The following IGLON5 variants were observed in gnomAD, a reference collection of about 807,000 sequenced individuals.
IGLON5 encodes the protein Ig-like domain-containing protein ENSP00000270642.
Under a neutral mutation model 38.2 loss-of-function variants are expected in IGLON5, and 16 were observed. The observed-to-expected ratio is 0.42, with a 90% confidence interval of 0.28 to 0.64. The LOEUF is 0.64. Ranked by LOEUF, IGLON5 falls within the 30% of genes least tolerant of loss-of-function variation. The pLI, the probability that IGLON5 is intolerant of heterozygous loss-of-function variation, is 0.23. For synonymous variants in IGLON5, 207 were observed against 216.4 expected (o/e 0.96, Z 0.38); for missense variants, 366 against 483.4 (o/e 0.76, Z 2.28).
chr19:51,320,639 G>C (rs1985032031), intron 1 of IGLON5, among the ~76,000 whole-genome samples: 1 of 152,196 alleles, frequency 6.6e-6, no homozygotes, highest in South Asian at 2.1e-4. Context: ...TGAGCACACA[G>C]TGTGCCTGTG....
intron 2 of IGLON5, 40 bp from the exon 3 acceptor site, chr19:51,323,622 G>GA: frequency 6.5e-7 from 1 of 1,549,648 alleles, no homozygotes; most frequent in Non-Finnish European, 8.8e-7. Context: ...CCTCAGGCTG[G>GA]GTGGGTGGAG....
Position 51,321,981 on chromosome 19 carries a change from G to C in IGLON5, c.80-83G>C, listed in dbSNP as rs369491717. 1.2e-3 allele frequency: 1,274 copies of C among 1,106,330 alleles called. 22 individuals are homozygous for C. In the South Asian group the frequency reaches 0.015, roughly 13 times the overall value. The allele number at this position is 1,106,330 out of a possible 1,614,324, so 68.5% of individuals were successfully genotyped here. A position where few individuals can be genotyped will look rare whatever the true frequency, so the allele number is the denominator to read the frequency against. The stretch of plus-strand genomic sequence containing the variant: ...AGGAGACGTCTGTGTCCACAAGGAC[G>C]TGCGTGTGCACATGTGTGCAGGTGC... On this transcript the variant is annotated intron_variant, in intron 1 of 7. Transcript: ENST00000270642.
At chr19:51,313,126 A>T (rs10404230) in intron 1 of IGLON5, among the ~76,000 whole-genome samples, 2,993 of 152,294 alleles carry the variant, frequency 0.02, 91 homozygotes, top group African/African-American at 0.068. Context: ...CAGCACCTGC[A>T]GACACCAGTC....
chr19:51,328,483 G>A (rs1985269401), intron 7 of IGLON5, among the ~76,000 whole-genome samples, 188 bp from the exon 8 acceptor site: 1 of 147,856 alleles, frequency 6.8e-6, no homozygotes, highest in Admixed American at 6.7e-5. Context: ...GGGTGACAGA[G>A]CGAGACTCCG....
At position 51,327,874 on chromosome 19, in the gene IGLON5, A is replaced by G. The variant is rs747147617; in HGVS notation, c.910A>G (p.Met304Val). 19 of 1,392,910 alleles carry G rather than the reference A, an allele frequency of 1.4e-5. No individual in the cohort carries two copies. Among genetic ancestry groups the G allele is most frequent in the African/African-American group, 3.0e-5 (2 of 65,902 alleles). The allele number at this position is 1,392,910 out of a possible 1,614,324, so 86.3% of individuals were successfully genotyped here. ...ANRLGASSAS[M>V]RLLRPGSLEN... ...CCGACTGGGAGCGTCCAGCGCCTCC[A>G]TGCGGCTCCTGCGTGCGTCTTCGGG... Residue 304 changes from methionine (M) to valine (V), a missense_variant, in exon 7 of 8, where the codon ATG becomes GTG. Transcript: ENST00000270642. The surrounding 1 kb of genome is among the most constrained non-coding windows in gnomAD (Gnocchi z 7.1).
At chr19:51,313,974 C>CA (rs1288629002) in intron 1 of IGLON5, among the ~76,000 whole-genome samples, 2 of 151,986 alleles carry the variant, frequency 1.3e-5, no homozygotes, top group African/African-American at 2.4e-5. Context: ...GTGATCCTCC[C>CA]ACCTGGGCCT....
rs778688332 is a variant in IGLON5, at chr19:51,327,224, G to T, written c.767+24G>T. 2.5e-6 allele frequency: 4 copies of T among 1,597,496 alleles called. No individual in the cohort carries two copies. Among genetic ancestry groups the T allele is most frequent in the Non-Finnish European group, 3.4e-6 (4 of 1,170,390 alleles). On this transcript the variant is annotated intron_variant, in intron 6 of 7. Transcript: ENST00000270642. This position sits in a 1 kb window ranked among gnomAD's most constrained non-coding sequence, Gnocchi z 7.1. ...CTGTGAGGACAGCACTGAGGGGGCCGTGGGAGCGGGAAGGGGAGGTCTTTA... is the reference window on the plus strand; with the variant it reads ...CTGTGAGGACAGCACTGAGGGGGCCTTGGGAGCGGGAAGGGGAGGTCTTTA...
At chr19:51,323,947 G>T (rs1275446434) in intron 3 of IGLON5, 53 bp downstream of exon 3, 4 of 1,253,904 alleles carry the variant, frequency 3.2e-6, no homozygotes, top group Non-Finnish European at 4.5e-6. Flanking sequence ...GCGTGGGGGA[G>T]ACTAGGCATG....
chr19:51,327,041 C>T lies in IGLON5; in HGVS notation c.647-39C>T, dbSNP rs769000562. On this transcript the variant is annotated intron_variant, in intron 5 of 7. Transcript: ENST00000270642. This position sits in a 1 kb window ranked among gnomAD's most constrained non-coding sequence, Gnocchi z 7.1. ...TGGGGGCGGGACCCCTTCGTCCCCA[C>T]GCGGCTAGGAGAATTCGCTGACCCT... 1.3e-5 allele frequency: 20 copies of T among 1,599,740 alleles called. No homozygotes were observed. Among genetic ancestry groups the T allele is most frequent in the East Asian group, 2.2e-5 (1 of 44,568 alleles).
intron 1 of IGLON5, among the ~76,000 whole-genome samples, chr19:51,312,310 TG>T (rs1419429997): frequency 4.4e-5 from 5 of 112,500 alleles, no homozygotes; most frequent in Admixed American, 9.6e-5. Context: ...TGAGTTGGGG[TG>T]GGGGGCAGGG....
Position 51,324,305 on chromosome 19 carries a change from G to T in IGLON5, c.391+411G>T, listed in dbSNP as rs1005939992. Among the ~76,000 whole-genome samples the T allele has an allele frequency of 6.6e-6, 1 of 152,208 alleles. No individual in the cohort carries two copies. The highest frequency in any genetic ancestry group is 1.5e-5 in the Non-Finnish European group (1 of 68,034). ...GCTGACGCCTTTGGCTGGGCACAGG[G>T]CTAAGACCGGAAAAGAAACAGTGTG... On this transcript the variant is annotated intron_variant, in intron 3 of 7. Transcript: ENST00000270642. The surrounding 1 kb of genome is among the most constrained non-coding windows in gnomAD (Gnocchi z 4.2).
chr19:51,320,051 G>A (rs971544508), intron 1 of IGLON5, among the ~76,000 whole-genome samples: 25 of 147,320 alleles, frequency 1.7e-4, no homozygotes, highest in African/African-American at 5.1e-4. Context: ...GTGTGTGCAC[G>A]CGCGTGCACG....
chr19:51,315,940 C>G lies in IGLON5; in HGVS notation c.79+4014C>G, dbSNP rs980498895. ...CGATCTCCTGACCTCATGATCCGCC[C>G]GTCTTGGCCTCCCAAAGTGCTGGGA... On this transcript the variant is annotated intron_variant, in intron 1 of 7. Transcript: ENST00000270642. Among the ~76,000 whole-genome samples, 43 of 151,978 alleles carry G rather than the reference C, an allele frequency of 2.8e-4. 2 individuals are homozygous for G. The highest frequency in any genetic ancestry group is 5.9e-4 in the Admixed American group (9 of 15,278).
In IGLON5 at chr19:51,326,751, C is replaced by T. The variant is rs1406207210; in HGVS notation, c.512-13C>T. 1.3e-6 allele frequency: 2 copies of T among 1,543,330 alleles called. No individual in the cohort carries two copies. Among genetic ancestry groups the T allele is most frequent in the African/African-American group, 1.4e-5 (1 of 72,612 alleles). On this transcript the variant is annotated splice_polypyrimidine_tract_variant and intron_variant, in intron 4 of 7. Transcript: ENST00000270642. ...TGTCCGGCCCCGCCCCCTCCTCCTC[C>T]TTCCCCCCACAGACGGCTTCACCTC... is the stretch of plus-strand genomic sequence containing the variant.
Position 51,327,906 on chromosome 19 carries a change from G to A in IGLON5, c.922+20G>A, listed in dbSNP as rs1568460012. 3 of 1,484,464 alleles carry A rather than the reference G, an allele frequency of 2.0e-6. No homozygotes were observed. The highest frequency in any genetic ancestry group is 2.3e-5 in the Admixed American group (1 of 44,118). The allele number at this position is 1,484,464 out of a possible 1,614,324, so 92.0% of individuals were successfully genotyped here. A position where few individuals can be genotyped will look rare whatever the true frequency, so the allele number is the denominator to read the frequency against. On this transcript the variant is annotated intron_variant, in intron 7 of 7. Coordinates refer to ENST00000270642, the MANE Select transcript of IGLON5 (RefSeq NM_001101372.3). The surrounding 1 kb of genome is among the most constrained non-coding windows in gnomAD (Gnocchi z 7.1). Reference sequence around the variant, plus strand: ...TCCTGCGTGCGTCTTCGGGCGGGGCGGGGCCGGGAAGGTGGGCGGGGCCGG... The same window carrying A: ...TCCTGCGTGCGTCTTCGGGCGGGGCAGGGCCGGGAAGGTGGGCGGGGCCGG...
In IGLON5 at chr19:51,311,778, T is replaced by TC; in HGVS notation, c.-64dup. On this transcript the variant is annotated 5_prime_UTR_variant, in exon 1 of 8. Coordinates refer to ENST00000270642, the MANE Select transcript of IGLON5 (RefSeq NM_001101372.3). ...GGGGTCCCCCTCCCCCTCCCCCCTC[T>TC]CCCCCCAGGCCTCGCGCGCCCCGGA... 1.2e-5 allele frequency: 1 copy of TC among 84,472 alleles called. No homozygotes were observed. Among genetic ancestry groups the TC allele is most frequent in the Non-Finnish European group, 2.2e-5 (1 of 45,202 alleles). 5.2% of individuals were successfully genotyped at this position (84,472 alleles called of 1,614,324 possible). A position where few individuals can be genotyped will look rare whatever the true frequency, so the allele number is the denominator to read the frequency against.
rs1362634988 is a variant in IGLON5, at chr19:51,330,577, G to C, written c.*1818G>C. 6.6e-6 allele frequency among the ~76,000 whole-genome samples: 1 copy of C among 152,170 alleles called. No homozygotes were observed. The highest frequency in any genetic ancestry group is 2.4e-5 in the African/African-American group (1 of 41,442). Reference sequence around the variant, plus strand: ...CAGAGATGGGCACATGACCCAGTAAGGCTAATGAGAAAGTGAATGGATTCC... The same window carrying C: ...CAGAGATGGGCACATGACCCAGTAACGCTAATGAGAAAGTGAATGGATTCC... On this transcript the variant is annotated 3_prime_UTR_variant, in exon 8 of 8. Transcript: ENST00000270642.
chr19:51,328,807 A>G lies in IGLON5; in HGVS notation c.*48A>G. 1 of 1,380,654 alleles carries G rather than the reference A, an allele frequency of 7.2e-7. No homozygotes were observed. The highest frequency in any genetic ancestry group is 9.9e-7 in the Non-Finnish European group (1 of 1,014,496). The allele number at this position is 1,380,654 out of a possible 1,614,324, so 85.5% of individuals were successfully genotyped here. Reference sequence around the variant, plus strand: ...TCCCCCTGCAGGGGGCCTCAGGCCAAGAGTGAGAGAAACGGGGGAGCAAGA... The same window carrying G: ...TCCCCCTGCAGGGGGCCTCAGGCCAGGAGTGAGAGAAACGGGGGAGCAAGA... On this transcript the variant is annotated 3_prime_UTR_variant, in exon 8 of 8. Coordinates refer to ENST00000270642, the MANE Select transcript of IGLON5 (RefSeq NM_001101372.3).
rs186298437 is a variant in IGLON5 at position 51,317,793 on chromosome 19, C to T, written c.80-4271C>T. On this transcript the variant is annotated intron_variant, in intron 1 of 7. Transcript: ENST00000270642. ...AGACACTTCTGCTTGCATATTCTCA[C>T]GGAATCCCTCACAGAAACCCTTGCA... Among the ~76,000 whole-genome samples, 479 of 152,314 alleles carry T rather than the reference C, an allele frequency of 3.1e-3. 1 individual carries two copies. Among genetic ancestry groups the T allele is most frequent in the South Asian group, 0.019 (93 of 4,828 alleles).
Sources: gnomAD v4.1 joint callset for allele counts (sites outside exome capture counted in the v4.1 genomes callset) on GRCh38, gnomAD v4.1.1 for gene constraint, Gnocchi (gnomAD v3.1) non-coding constraint, MANE v1.5 for transcripts, NCBI Gene and HGNC (gene_info 2026-07-23, HGNC 2026-07-21) for gene names.